The following HECW2 variants were observed in gnomAD, a reference collection of about 807,000 sequenced individuals.
HECW2 encodes HECT, C2 and WW domain containing E3 ubiquitin protein ligase 2.
Under a neutral mutation model 175.2 loss-of-function variants are expected in HECW2, and 61 were observed. That is an observed-to-expected ratio of 0.35 (90% confidence interval 0.28 to 0.43). HECW2 has a LOEUF of 0.43. Among genes scored for constraint, HECW2 ranks in the 20% least tolerant of loss-of-function variants. The probability of loss-of-function intolerance (pLI) is 1.00; values close to 1 mark genes in which losing one functional copy is unlikely to be tolerated. For synonymous variants in HECW2, 671 were observed against 731.0 expected, an observed-to-expected ratio of 0.92 and a Z score of 1.32; for missense variants, 1,524 against 2,000.5, an observed-to-expected ratio of 0.76 and a Z score of 4.54.
chr2:196,255,147 AT>A (rs768416431), intron 18 of HECW2, among the ~76,000 whole-genome samples: 4 of 95,420 alleles, frequency 4.2e-5, no homozygotes, highest in African/African-American at 1.3e-4. Flanking sequence ...TAATTTTTCT[AT>A]TTTTTTTTTT....
chr2:196,297,823 GT>G (rs1342453144), intron 13 of HECW2, among the ~76,000 whole-genome samples: 1 of 152,120 alleles, frequency 6.6e-6, no homozygotes, highest in Non-Finnish European at 1.5e-5. Context: ...ATCAAGAAAT[GT>G]TTGCATAATA....
chr2:196,299,604 C>T (rs1417140096), intron 13 of HECW2, among the ~76,000 whole-genome samples: 45 of 152,152 alleles, frequency 3.0e-4, no homozygotes, highest in Admixed American at 2.9e-3. Flanking sequence ...CAAGAATATG[C>T]ATTTTATTTT....
intron 1 of HECW2, among the ~76,000 whole-genome samples, chr2:196,453,388 C>T (rs1696404791): frequency 6.6e-6 from 1 of 152,108 alleles, no homozygotes; most frequent in Non-Finnish European, 1.5e-5. Context: ...AAATGAACTG[C>T]CTCAAAGCAC....
intron 14 of HECW2, among the ~76,000 whole-genome samples, chr2:196,285,566 T>C (rs58766752): frequency 0.025 from 3,769 of 152,308 alleles, 165 homozygotes; most frequent in African/African-American, 0.085. Context: ...TTTTTAAAGA[T>C]TGTATTTACT....
At chr2:196,426,254 CTTTAA>C (rs1695544528) in intron 2 of HECW2, among the ~76,000 whole-genome samples, 1 of 152,162 alleles carries the variant, frequency 6.6e-6, no homozygotes, top group African/African-American at 2.4e-5. Flanking sequence ...CTGTGACTGG[CTTTAA>C]TTTGCTATTC....
chr2:196,408,412 C>T (rs1695021699), intron 2 of HECW2, among the ~76,000 whole-genome samples: 1 of 152,174 alleles, frequency 6.6e-6, no homozygotes, highest in Non-Finnish European at 1.5e-5. Context: ...TCTGTAGGGT[C>T]GTTCCCAGCT....
chr2:196,339,500 A>G (rs1692669780), intron 3 of HECW2, among the ~76,000 whole-genome samples: 1 of 152,208 alleles, frequency 6.6e-6, no homozygotes, highest in African/African-American at 2.4e-5. Flanking sequence ...GAAGTTTAGT[A>G]CTCTAAGCTC....
chr2:196,307,314 T>A lies in HECW2; in HGVS notation c.2586-81A>T, dbSNP rs901768856. 13 of 904,052 alleles carry A rather than the reference T, an allele frequency of 1.4e-5. No homozygotes were observed. The Admixed American group carries it at 2.5e-4, about 17-fold the overall frequency. 56.0% of individuals were successfully genotyped at this position (904,052 alleles called of 1,614,324 possible). ...CTGCTCCCCAAGAGTCTAGAACTTT[T>A]CACTATCTTCTCAGCTTCAACTATT... On this transcript the variant is annotated intron_variant, in intron 11 of 28. Transcript: ENST00000644978.
intron 17 of HECW2, chr2:196,260,163 T>C (rs1177476841): frequency 6.6e-6 from 1 of 152,028 alleles, no homozygotes; most frequent in Non-Finnish European, 1.5e-5. Context: ...CCAGAGGAGG[T>C]ATGCCAAATG....
chr2:196,326,741 G>A (rs1224235606), intron 5 of HECW2, among the ~76,000 whole-genome samples: 1 of 152,066 alleles, frequency 6.6e-6, no homozygotes, highest in Non-Finnish European at 1.5e-5. Flanking sequence ...TGCACATTGA[G>A]AACACTGCAT....
At chr2:196,272,647 A>G (rs1272862624) in intron 16 of HECW2, among the ~76,000 whole-genome samples, 2 of 152,200 alleles carry the variant, frequency 1.3e-5, no homozygotes, top group African/African-American at 2.4e-5. Flanking sequence ...TATTTTAGTT[A>G]TGTATATTTA....
intron 2 of HECW2, among the ~76,000 whole-genome samples, chr2:196,397,095 G>C (rs149431791): frequency 0.056 from 8,464 of 151,718 alleles, 262 homozygotes; most frequent in Middle Eastern, 0.17. Context: ...CTGGGGGACA[G>C]AGCGAGACTC....
intron 6 of HECW2, 70 bp from the exon 7 acceptor site, chr2:196,322,690 T>C (rs1357912409): frequency 1.5e-6 from 2 of 1,371,312 alleles, no homozygotes; most frequent in Non-Finnish European, 2.0e-6. Flanking sequence ...ATTTTATTTG[T>C]ATAGGAAATG....
In HECW2 at chr2:196,372,869, CG is replaced by C. The variant is rs1693946134; in HGVS notation, c.293-29106del. 2.6e-5 allele frequency among the ~76,000 whole-genome samples: 4 copies of C among 152,068 alleles called. No individual in the cohort carries two copies. The South Asian group carries it at 8.3e-4, about 32-fold the overall frequency. On this transcript the variant is annotated intron_variant, in intron 2 of 28. Coordinates refer to ENST00000644978, the MANE Select transcript of HECW2 (RefSeq NM_001348768.2). Reference sequence around the variant, plus strand: ...GCTGTCCAGAACAGCTTTGGTTCCGCGGCCAAAAATGGACACCTTTTTAGCT... The same window carrying C: ...GCTGTCCAGAACAGCTTTGGTTCCGCGCCAAAAATGGACACCTTTTTAGCT...
chr2:196,285,520 G>A (rs1690352375), intron 14 of HECW2, among the ~76,000 whole-genome samples: 1 of 147,196 alleles, frequency 6.8e-6, no homozygotes, highest in Admixed American at 6.7e-5. Flanking sequence ...AGTCTTGGAA[G>A]TGCTCAAAAA....
intron 3 of HECW2, among the ~76,000 whole-genome samples, chr2:196,339,193 T>C (rs1001809392): frequency 6.6e-6 from 1 of 151,976 alleles, no homozygotes; most frequent in African/African-American, 2.4e-5. Context: ...TTAGGAATGG[T>C]GAAAGTTACA....
At position 196,201,016 on chromosome 2, in the gene HECW2, C is replaced by G; in HGVS notation, c.*261G>C. On this transcript the variant is annotated 3_prime_UTR_variant, in exon 29 of 29. Coordinates refer to ENST00000644978, the MANE Select transcript of HECW2 (RefSeq NM_001348768.2). ...GGTTCATCTTTGTCTTGGAACATAACAAATGGAAAAAGTTTGGCAGTCAAG... is the reference window on the plus strand; with the variant it reads ...GGTTCATCTTTGTCTTGGAACATAAGAAATGGAAAAAGTTTGGCAGTCAAG... 2.7e-6 allele frequency: 1 copy of G among 368,332 alleles called. No homozygotes were observed. The highest frequency in any genetic ancestry group is 5.2e-6 in the Non-Finnish European group (1 of 193,618). The allele number at this position is 368,332 out of a possible 1,614,324, so 22.8% of individuals were successfully genotyped here. A position where few individuals can be genotyped will look rare whatever the true frequency, so the allele number is the denominator to read the frequency against.
intron 10 of HECW2, among the ~76,000 whole-genome samples, chr2:196,308,404 T>C (rs1691351706): frequency 6.6e-6 from 1 of 152,230 alleles, no homozygotes; most frequent in Non-Finnish European, 1.5e-5. Flanking sequence ...GTTGGTTTCA[T>C]AACACTTCAG....
chr2:196,362,016 C>T (rs1328189003), intron 2 of HECW2: 3 of 985,228 alleles, frequency 3.0e-6, no homozygotes, highest in Admixed American at 6.2e-5. Context: ...GTCCACTTCA[C>T]GGATGCTCCT....
Sources: gnomAD v4.1 joint callset for allele counts (sites outside exome capture counted in the v4.1 genomes callset) on GRCh38, gnomAD v4.1.1 for gene constraint, MANE v1.5 for transcripts, NCBI Gene and HGNC (gene_info 2026-07-23, HGNC 2026-07-21) for gene names.